Variants in ARHGAP15 observed in about 807,000 individuals in gnomAD.
The protein encoded by ARHGAP15 is Rho GTPase activating protein 15.
A neutral mutation model predicts 63.7 loss-of-function variants in ARHGAP15; 51 were observed. That is an observed-to-expected ratio of 0.80 (90% CI 0.64 to 1.01). The LOEUF (loss-of-function observed/expected upper bound fraction) is 1.01, where lower values mean the gene tolerates loss of function less well. Ranked by LOEUF, ARHGAP15 falls within the 50% of genes least tolerant of loss-of-function variation. ARHGAP15 has a pLI of 0.00. For synonymous variants in ARHGAP15, 191 were observed against 193.8 expected, an observed-to-expected ratio of 0.99 and a Z score of 0.12; for missense variants, 560 against 564.6, an observed-to-expected ratio of 0.99 and a Z score of 0.08.
At chr2:143,682,455 T>C (rs1362590355) in intron 12 of ARHGAP15, among the ~76,000 whole-genome samples, 1 of 152,142 alleles carries the variant, frequency 6.6e-6, no homozygotes, top group African/African-American at 2.4e-5. Context: ...ACTTTAAAAA[T>C]GTGAAAATGC....
chr2:143,618,084 A>T (rs1431254620), intron 11 of ARHGAP15, among the ~76,000 whole-genome samples: 1 of 152,242 alleles, frequency 6.6e-6, no homozygotes, highest in Non-Finnish European at 1.5e-5. Context: ...CTTTTGGCAC[A>T]GGGTGACATC....
intron 12 of ARHGAP15, among the ~76,000 whole-genome samples, chr2:143,651,690 T>G (rs1231956159): frequency 6.6e-6 from 1 of 152,034 alleles, no homozygotes; most frequent in African/African-American, 2.4e-5. Flanking sequence ...ACCAGCAGTA[T>G]AGGAGATATG....
At chr2:143,640,740 A>G (rs1287884699) in intron 12 of ARHGAP15, 1 of 152,126 alleles carries the variant, frequency 6.6e-6, no homozygotes, top group African/African-American at 2.4e-5. Flanking sequence ...AGCAACAAGA[A>G]TATAATAAAC....
intron 8 of ARHGAP15, among the ~76,000 whole-genome samples, chr2:143,478,329 A>G (rs1369111029): frequency 2.6e-5 from 4 of 152,232 alleles, no homozygotes; most frequent in Non-Finnish European, 5.9e-5. Context: ...TCTCAGCCGT[A>G]CAATGATACA....
At chr2:143,265,335 G>T (rs1680936051) in intron 6 of ARHGAP15, among the ~76,000 whole-genome samples, 1 of 151,920 alleles carries the variant, frequency 6.6e-6, no homozygotes, top group South Asian at 2.1e-4. Context: ...AGACATAGGA[G>T]CAGATAGAGC....
At chr2:143,251,327 T>A (rs1480621606) in intron 6 of ARHGAP15, among the ~76,000 whole-genome samples, 1 of 152,040 alleles carries the variant, frequency 6.6e-6, no homozygotes, top group Non-Finnish European at 1.5e-5. Flanking sequence ...TATTTTAGAA[T>A]TTATATAATT....
chr2:143,505,217 C>T (rs1307394782), intron 9 of ARHGAP15, among the ~76,000 whole-genome samples: 2 of 152,166 alleles, frequency 1.3e-5, no homozygotes, highest in Non-Finnish European at 2.9e-5. Context: ...CATCATTCTG[C>T]CAATACAGTA....
At chr2:143,619,043 C>G (rs1024977082) in intron 11 of ARHGAP15, among the ~76,000 whole-genome samples, 1 of 151,782 alleles carries the variant, frequency 6.6e-6, no homozygotes, top group Non-Finnish European at 1.5e-5. Context: ...AAACTCCTGG[C>G]CTCAGGTGAT....
chr2:143,696,445 G>C (rs1387539021), intron 12 of ARHGAP15, among the ~76,000 whole-genome samples: 1 of 151,680 alleles, frequency 6.6e-6, no homozygotes, highest in Non-Finnish European at 1.5e-5. Context: ...AGCAGGGATA[G>C]AGGTAGAAGG....
intron 10 of ARHGAP15, among the ~76,000 whole-genome samples, chr2:143,531,884 G>C (rs1232296834): frequency 6.6e-6 from 1 of 152,192 alleles, no homozygotes; most frequent in Non-Finnish European, 1.5e-5. Flanking sequence ...CATATTAAGA[G>C]TCAGTCTTCA....
chr2:143,582,924 C>A (rs959383367), intron 11 of ARHGAP15, among the ~76,000 whole-genome samples: 1 of 152,108 alleles, frequency 6.6e-6, no homozygotes, highest in African/African-American at 2.4e-5. Flanking sequence ...TTCATTCTAC[C>A]AAGAACTGGC....
intron 3 of ARHGAP15, among the ~76,000 whole-genome samples, chr2:143,209,669 G>A (rs1428323220): frequency 6.6e-6 from 1 of 152,116 alleles, no homozygotes; most frequent in Non-Finnish European, 1.5e-5. Context: ...AGTTTGCCAA[G>A]CAAAGAACTG....
chr2:143,678,965 C>T (rs1187059692), intron 12 of ARHGAP15, among the ~76,000 whole-genome samples: 1 of 152,014 alleles, frequency 6.6e-6, no homozygotes, highest in Non-Finnish European at 1.5e-5. Flanking sequence ...AACTAAATAA[C>T]CATTAAATTT....
intron 5 of ARHGAP15, chr2:143,235,956 T>G: frequency 6.5e-7 from 1 of 1,546,798 alleles, no homozygotes. Flanking sequence ...AGCTTCTGCT[T>G]GATGTGTTCA....
intron 6 of ARHGAP15, among the ~76,000 whole-genome samples, chr2:143,268,298 C>A (rs1390333332): frequency 6.6e-6 from 1 of 151,842 alleles, no homozygotes; most frequent in Non-Finnish European, 1.5e-5. Flanking sequence ...AACCAAGTTG[C>A]AATTAGCTGC....
chr2:143,727,298 T>C (rs1045669014), intron 13 of ARHGAP15, among the ~76,000 whole-genome samples: 6 of 152,188 alleles, frequency 3.9e-5, no homozygotes, highest in African/African-American at 1.4e-4. Context: ...GAAAGAGTGT[T>C]GTATTTCAAG....
chr2:143,763,593 T>A (rs139585557), intron 13 of ARHGAP15, among the ~76,000 whole-genome samples: 1 of 149,876 alleles, frequency 6.7e-6, no homozygotes, highest in African/African-American at 2.5e-5. Context: ...AAATTGCATA[T>A]ATATATCTTA....
chr2:143,407,155 A>G (rs1487489498), intron 6 of ARHGAP15, among the ~76,000 whole-genome samples: 2 of 151,924 alleles, frequency 1.3e-5, no homozygotes, highest in Non-Finnish European at 1.5e-5. Context: ...CACATTTTTT[A>G]TAACATTTCA....
At chr2:143,546,219 A>G (rs1002259824) in intron 10 of ARHGAP15, among the ~76,000 whole-genome samples, 1 of 152,142 alleles carries the variant, frequency 6.6e-6, no homozygotes, top group African/African-American at 2.4e-5. Flanking sequence ...ATGGAAAACA[A>G]TGAGGTCACT....
Sources: allele counts gnomAD v4.1 joint callset (sites outside exome capture counted in the v4.1 genomes callset), GRCh38; gene constraint gnomAD v4.1.1; transcripts MANE v1.5; gene names NCBI Gene and HGNC (gene_info 2026-07-23, HGNC 2026-07-21).